PCDH15: variants seen among roughly 807,000 people sequenced by gnomAD.
PCDH15 encodes the protein protocadherin-15.
In PCDH15, 129 loss-of-function variants were observed where a neutral mutation model predicts 178.5. That is an observed-to-expected ratio of 0.72 (90% CI 0.63 to 0.84). PCDH15 has a LOEUF of 0.84. Among genes scored for constraint, PCDH15 ranks in the 40% least tolerant of loss-of-function variants. The pLI is 0.00. For synonymous variants in PCDH15, 800 were observed against 732.0 expected (o/e 1.09, Z -1.50); for missense variants, 2,230 against 2,099.9 (o/e 1.06, Z -1.21).
chr10:53,808,573 A>C, intron 37 of PCDH15: 1 of 1,458,412 alleles, frequency 6.9e-7, no homozygotes, highest in Non-Finnish European at 9.0e-7. Context: ...TCTGATCATA[A>C]GTCATATCAA....
intron 3 of PCDH15, among the ~76,000 whole-genome samples, chr10:54,460,951 T>C (rs1232843512): frequency 6.6e-6 from 1 of 152,058 alleles, no homozygotes; most frequent in Non-Finnish European, 1.5e-5. Flanking sequence ...TTTTGAATAA[T>C]ACCATTTATA....
At chr10:54,676,203 G>A (rs1319192619) in intron 1 of PCDH15, among the ~76,000 whole-genome samples, 1 of 151,762 alleles carries the variant, frequency 6.6e-6, no homozygotes, top group Non-Finnish European at 1.5e-5. Context: ...TAAAATATAA[G>A]AATAAAATTC....
At position 54,132,235 on chromosome 10, in the gene PCDH15, G is replaced by T. The variant is rs550172034; in HGVS notation, c.1917+640C>A. Among the ~76,000 whole-genome samples the T allele has an allele frequency of 7.2e-5, 11 of 152,276 alleles. No individual in the cohort carries two copies. The South Asian group carries it at 2.3e-3, about 32-fold the overall frequency. On this transcript the variant is annotated intron_variant, in intron 15 of 37. Transcript: ENST00000644397. ...AGCTGCATATTCAGTCAAAGATAGA[G>T]CTTTTCCTGGCCAAAGATACTTTGG...
chr10:54,865,096 G>A (rs1232347537), intron 3 of PCDH15, among the ~76,000 whole-genome samples: 1 of 152,148 alleles, frequency 6.6e-6, no homozygotes, highest in African/African-American at 2.4e-5. Context: ...AGCTGGTAAA[G>A]TATTGTTTCT....
At chr10:55,438,226 A>ACAC (rs1165719624) in intron 2 of PCDH15, among the ~76,000 whole-genome samples, 2 of 121,628 alleles carry the variant, frequency 1.6e-5, no homozygotes, top group African/African-American at 3.2e-5. Flanking sequence ...CACACACACA[A>ACAC]AATACCTACA....
chr10:54,961,518 T>A (rs1469158516), intron 2 of PCDH15, among the ~76,000 whole-genome samples: 1 of 152,226 alleles, frequency 6.6e-6, no homozygotes, highest in African/African-American at 2.4e-5. Context: ...TGGGAACTTA[T>A]GCTGATTTTT....
chr10:54,134,570 G>A (rs2042727736), intron 14 of PCDH15, among the ~76,000 whole-genome samples: 1 of 151,632 alleles, frequency 6.6e-6, no homozygotes, highest in Non-Finnish European at 1.5e-5. Context: ...TGGCTAACAT[G>A]GTGAAAGCCG....
chr10:53,971,461 T>A (rs2089676573), intron 21 of PCDH15, among the ~76,000 whole-genome samples: 1 of 152,108 alleles, frequency 6.6e-6, no homozygotes, highest in Admixed American at 6.6e-5. Flanking sequence ...GAGAAAGAAA[T>A]AAATGATATT....
intron 2 of PCDH15, among the ~76,000 whole-genome samples, chr10:54,570,664 T>C (rs1279566311): frequency 6.6e-6 from 1 of 152,038 alleles, no homozygotes; most frequent in African/African-American, 2.4e-5. Context: ...TTTTTTCCTT[T>C]CTTTTTTGAG....
At chr10:54,361,030 A>G (rs1018535820) in intron 5 of PCDH15, among the ~76,000 whole-genome samples, 2 of 152,142 alleles carry the variant, frequency 1.3e-5, no homozygotes, top group African/African-American at 4.8e-5. Context: ...TATAATTAGA[A>G]TTGACATGAC....
At chr10:54,590,934 A>G (rs1158989636) in intron 2 of PCDH15, among the ~76,000 whole-genome samples, 2 of 152,184 alleles carry the variant, frequency 1.3e-5, no homozygotes, top group Non-Finnish European at 2.9e-5. Flanking sequence ...AAAACCCAGA[A>G]ATAATAGTAT....
chr10:55,601,939 G>T (rs552494498), intron 2 of PCDH15, among the ~76,000 whole-genome samples: 1 of 152,104 alleles, frequency 6.6e-6, no homozygotes, highest in Non-Finnish European at 1.5e-5. Flanking sequence ...CGTGAGCGAC[G>T]CAGAAGACGG....
chr10:54,809,791 A>AG (rs1952835183), intron 3 of PCDH15, among the ~76,000 whole-genome samples: 1 of 152,072 alleles, frequency 6.6e-6, no homozygotes, highest in Admixed American at 6.5e-5. Context: ...ACAAAAAAAA[A>AG]CTTTGTTGGA....
At chr10:54,561,775 A>C (rs1214527053) in intron 2 of PCDH15, among the ~76,000 whole-genome samples, 4 of 152,084 alleles carry the variant, frequency 2.6e-5, no homozygotes, top group Middle Eastern at 3.4e-3. Context: ...TTAGTCAACA[A>C]TTCATTAAAA....
chr10:54,075,090 T>C (rs1025390587), intron 17 of PCDH15, among the ~76,000 whole-genome samples: 3 of 152,144 alleles, frequency 2.0e-5, no homozygotes, highest in African/African-American at 7.2e-5. Context: ...CTTTAAAAAA[T>C]TCTCGGGCTG....
chr10:54,784,596 A>G (rs1950669032), intron 1 of PCDH15, among the ~76,000 whole-genome samples: 1 of 152,084 alleles, frequency 6.6e-6, no homozygotes, highest in African/African-American at 2.4e-5. Flanking sequence ...TGGCCTGAAA[A>G]TAAATGCTTA....
chr10:55,508,062 A>T (rs1244021854), intron 2 of PCDH15, among the ~76,000 whole-genome samples: 1 of 151,624 alleles, frequency 6.6e-6, no homozygotes, highest in African/African-American at 2.4e-5. Context: ...CATCCCGGAC[A>T]CTTATTTAGG....
At chr10:55,445,276 T>A (rs994692687) in intron 2 of PCDH15, among the ~76,000 whole-genome samples, 2 of 152,070 alleles carry the variant, frequency 1.3e-5, no homozygotes, top group African/African-American at 4.8e-5. Flanking sequence ...TTCCTGCTTT[T>A]TTTTTCTGCA....
intron 2 of PCDH15, among the ~76,000 whole-genome samples, chr10:55,451,973 G>A (rs1316214677): frequency 1.3e-5 from 2 of 152,126 alleles, no homozygotes; most frequent in Non-Finnish European, 2.9e-5. Context: ...AGTTATATCT[G>A]AATAGTTATA....
Sources: gnomAD v4.1 joint callset for allele counts (sites outside exome capture counted in the v4.1 genomes callset) on GRCh38, gnomAD v4.1.1 for gene constraint, MANE v1.5 for transcripts, NCBI Gene and HGNC (gene_info 2026-07-23, HGNC 2026-07-21) for gene names.